Variants in DOP1B observed in about 807,000 individuals in gnomAD.
The protein encoded by DOP1B is protein DOP1B.
In DOP1B, 174 loss-of-function variants were observed where a neutral mutation model predicts 233.5. The observed-to-expected ratio is 0.75, with a 90% CI of 0.66 to 0.85. The LOEUF (loss-of-function observed/expected upper bound fraction) is 0.85, where lower values mean the gene tolerates loss of function less well. Among genes scored for constraint, DOP1B ranks in the 40% least tolerant of loss-of-function variants. The probability of loss-of-function intolerance (pLI) is 0.00; values close to 1 mark genes in which losing one functional copy is unlikely to be tolerated. For synonymous variants in DOP1B, 1,190 were observed against 1,185.6 expected, an observed-to-expected ratio of 1.00 and a Z score of -0.08; for missense variants, 2,652 against 2,846.6, an observed-to-expected ratio of 0.93 and a Z score of 1.56.
rs1222186371 is a variant in DOP1B at position 36,253,910 on chromosome 21, G to A, written c.5259+1G>A. 6.2e-7 allele frequency: 1 copy of A among 1,613,500 alleles called. No individual in the cohort carries two copies. ...ACCCCAAGTCAAAGGGGGTGATGAG[G>A]TGAGGAGCCTGGGGAAGCCTCTGGG... On this transcript the variant is annotated splice_donor_variant, in intron 23 of 36. Coordinates refer to ENST00000691173, the MANE Select transcript of DOP1B (RefSeq NM_001320714.2). LOFTEE classifies it high-confidence loss of function.
At chr21:36,248,876 G>A (rs1352466449) in intron 21 of DOP1B, among the ~76,000 whole-genome samples, 5 of 152,096 alleles carry the variant, frequency 3.3e-5, no homozygotes, top group Non-Finnish European at 7.4e-5. Flanking sequence ...AGGCCAAGGC[G>A]GATGGATCTC....
rs568494703 is a variant in DOP1B, at chr21:36,262,643, T to C, written c.5316-903T>C. On this transcript the variant is annotated intron_variant, in intron 24 of 36. Coordinates refer to ENST00000691173, the MANE Select transcript of DOP1B (RefSeq NM_001320714.2). ...TGGCTCACGCTTGTAATCCCAGCAC[T>C]TTGGGTGACCGAGGCAAGTGGATTT... Among the ~76,000 whole-genome samples, 15 of 152,072 alleles carry C rather than the reference T, an allele frequency of 9.9e-5. No homozygotes were observed. The East Asian group carries it at 2.5e-3, about 26-fold the overall frequency.
intron 30 of DOP1B, among the ~76,000 whole-genome samples, chr21:36,278,668 G>T (rs1190322563): frequency 6.6e-6 from 1 of 152,132 alleles, no homozygotes; most frequent in Non-Finnish European, 1.5e-5. Context: ...AGGAGTTCGA[G>T]ACCAGCCTGG....
At position 36,270,238 on chromosome 21, in the gene DOP1B, C is replaced by T. The variant is rs2067271903; in HGVS notation, c.5632+81C>T. Reference sequence around the variant, plus strand: ...TTCCTTAAGAGAGATCTTGAGTGTTCTCACCACAAAAAGAAAGAAAGTACT... The same window carrying T: ...TTCCTTAAGAGAGATCTTGAGTGTTTTCACCACAAAAAGAAAGAAAGTACT... On this transcript the variant is annotated intron_variant, in intron 27 of 36. Transcript: ENST00000691173. 1.4e-5 allele frequency: 20 copies of T among 1,473,180 alleles called. No individual in the cohort carries two copies. The South Asian group carries it at 2.3e-4, about 17-fold the overall frequency. The allele number at this position is 1,473,180 out of a possible 1,614,324, so 91.3% of individuals were successfully genotyped here. A position where few individuals can be genotyped will look rare whatever the true frequency, so the allele number is the denominator to read the frequency against.
rs1178169408 is a variant in DOP1B at position 36,230,951 on chromosome 21, G to A, written c.2167G>A (p.Ala723Thr). ...ESPSSSPSSP[A>T]RKNGGEWDVE... ...ACCATCGTCTTCGCCCAGCAGCCCTGCCAGGAAAAACGGGGGAGAATGGGA... is the reference window on the plus strand; with the variant it reads ...ACCATCGTCTTCGCCCAGCAGCCCTACCAGGAAAAACGGGGGAGAATGGGA... The change falls in exon 14 of 37, where the codon GCC becomes ACC. Residue 723 changes from alanine (A) to threonine (T), a missense_variant. Physicochemically the swap from Ala to Thr is moderately conservative, Grantham distance 58 (BLOSUM62 0). Coordinates refer to ENST00000691173, the MANE Select transcript of DOP1B (RefSeq NM_001320714.2). 9.9e-6 allele frequency: 16 copies of A among 1,614,064 alleles called. No homozygotes were observed. Among genetic ancestry groups the A allele is most frequent in the African/African-American group, 1.3e-5 (1 of 74,930 alleles).
chr21:36,191,223 C>T (rs553440861), intron 2 of DOP1B, among the ~76,000 whole-genome samples: 11 of 147,598 alleles, frequency 7.5e-5, no homozygotes, highest in African/African-American at 2.8e-4. Context: ...GAGAATAAGA[C>T]ATACCCCACT....
chr21:36,203,680 CA>C (rs1358117765), intron 4 of DOP1B, among the ~76,000 whole-genome samples: 1 of 151,724 alleles, frequency 6.6e-6, no homozygotes. Flanking sequence ...GTAGAAATTG[CA>C]AAGTGGTGAG....
intron 12 of DOP1B, among the ~76,000 whole-genome samples, chr21:36,226,140 CTG>C (rs1007200980): frequency 7.9e-5 from 12 of 152,160 alleles, no homozygotes; most frequent in Non-Finnish European, 1.8e-4. Flanking sequence ...GAGCCTAGCT[CTG>C]TGGTATGCGC....
intron 13 of DOP1B, among the ~76,000 whole-genome samples, chr21:36,228,595 C>T (rs948772939): frequency 6.6e-6 from 1 of 151,514 alleles, no homozygotes; most frequent in African/African-American, 2.4e-5. Context: ...TGAAACCCTG[C>T]CTCTACTAAA....
At chr21:36,288,451 G>C (rs535977574) in intron 33 of DOP1B, among the ~76,000 whole-genome samples, 2 of 152,108 alleles carry the variant, frequency 1.3e-5, no homozygotes, top group South Asian at 4.1e-4. Context: ...CCAGCACTTC[G>C]GGAGGCTAAG....
chr21:36,196,332 G>A (rs958591274), intron 2 of DOP1B, among the ~76,000 whole-genome samples: 3 of 152,138 alleles, frequency 2.0e-5, no homozygotes, highest in Non-Finnish European at 2.9e-5. Flanking sequence ...TGTTTTCTGC[G>A]GGCTGGCTGG....
At position 36,193,837 on chromosome 21, in the gene DOP1B, A is replaced by G. The variant is rs146813090; in HGVS notation, c.139-5233A>G. Among the ~76,000 whole-genome samples, 1,150 of 152,326 alleles carry G rather than the reference A, an allele frequency of 7.5e-3. 15 individuals are homozygous for G. Among genetic ancestry groups the G allele is most frequent in the South Asian group, 0.011 (52 of 4,828 alleles). ...CTGGGCTACAGCTCTGAGCTTCTGC[A>G]CAAAGAGTGGAGTCTCCATCTTTAA... On this transcript the variant is annotated intron_variant, in intron 2 of 36. Transcript: ENST00000691173.
In DOP1B at chr21:36,245,812, A is replaced by G. The variant is rs1569047570; in HGVS notation, c.3832A>G (p.Ile1278Val). 6.2e-7 allele frequency: 1 copy of G among 1,613,592 alleles called. No homozygotes were observed. Among genetic ancestry groups the G allele is most frequent in the South Asian group, 1.1e-5 (1 of 91,034 alleles). The stretch of plus-strand genomic sequence containing the variant: ...CAGCTCCACCGCGCACCTCAACCTC[A>G]TCTCCAACCTCCTCGCTCGCCACCA... ...DTSSTAHLNL[I>V]SNLLARHQEA... Residue 1278 changes from isoleucine to valine, a missense_variant, in exon 19 of 37, where the codon ATC (isoleucine) becomes GTC (valine). Coordinates refer to ENST00000691173, the MANE Select transcript of DOP1B (RefSeq NM_001320714.2). This position sits in a 1 kb window ranked among gnomAD's most constrained non-coding sequence, Gnocchi z 5.5.
chr21:36,261,223 G>A (rs1402669138), intron 24 of DOP1B: 5 of 855,822 alleles, frequency 5.8e-6, no homozygotes, highest in African/African-American at 3.7e-5. Flanking sequence ...AAATTAGTCC[G>A]GCATGGTGGC....
rs542073845 is a variant in DOP1B at position 36,294,127 on chromosome 21, A to C, written c.*556A>C. The stretch of plus-strand genomic sequence containing the variant: ...TAAAATTAATATATCATCTAACAGT[A>C]GCACAAAATTTGTAATATGAAGTAA... On this transcript the variant is annotated 3_prime_UTR_variant, in exon 37 of 37. Transcript: ENST00000691173. 1 of 153,568 alleles carries C rather than the reference A, an allele frequency of 6.5e-6. No homozygotes were observed. The highest frequency in any genetic ancestry group is 2.1e-4 in the South Asian group (1 of 4,868). 9.5% of individuals were successfully genotyped at this position (153,568 alleles called of 1,614,324 possible). A position where few individuals can be genotyped will look rare whatever the true frequency, so the allele number is the denominator to read the frequency against.
chr21:36,192,681 G>T (rs1444523040), intron 2 of DOP1B, among the ~76,000 whole-genome samples: 2 of 148,380 alleles, frequency 1.3e-5, no homozygotes, highest in Non-Finnish European at 3.0e-5. Flanking sequence ...ACTATGCCCA[G>T]CCACTTTCAT....
intron 30 of DOP1B, among the ~76,000 whole-genome samples, chr21:36,279,079 G>A (rs2284643): frequency 0.13 from 19,785 of 151,898 alleles, 1,494 homozygotes; most frequent in East Asian, 0.35. Flanking sequence ...CTGAGACTCA[G>A]ATGCAAGATG....
At chr21:36,186,920 G>GC in intron 2 of DOP1B, among the ~76,000 whole-genome samples, 1 of 152,206 alleles carries the variant, frequency 6.6e-6, no homozygotes. Context: ...GCCACTCAGA[G>GC]CCTGGCCTCT....
rs190453625 is a variant in DOP1B at position 36,259,331 on chromosome 21, C to T, written c.5260-1346C>T. ...TGTTGCCTAGCCTAGAGTGCAGTGGCGTGATCTTGGTTCACTGCAACCTCT... is the reference window on the plus strand; with the variant it reads ...TGTTGCCTAGCCTAGAGTGCAGTGGTGTGATCTTGGTTCACTGCAACCTCT... On this transcript the variant is annotated intron_variant, in intron 23 of 36. Transcript: ENST00000691173. Among the ~76,000 whole-genome samples the T allele has an allele frequency of 1.4e-4, 20 of 146,938 alleles. 1 individual carries two copies. The highest frequency in any genetic ancestry group is 1.8e-4 in the Non-Finnish European group (12 of 67,436).
Sources: gnomAD v4.1 joint callset for allele counts (sites outside exome capture counted in the v4.1 genomes callset) on GRCh38, gnomAD v4.1.1 for gene constraint, Gnocchi (gnomAD v3.1) non-coding constraint, MANE v1.5 for transcripts, NCBI Gene and HGNC (gene_info 2026-07-23, HGNC 2026-07-21) for gene names.